NAALADL2: variants seen among roughly 807,000 people sequenced by gnomAD.
The protein encoded by NAALADL2 is inactive N-acetylated-alpha-linked acidic dipeptidase-like protein 2.
In NAALADL2, 76 loss-of-function variants were observed where a neutral mutation model predicts 87.2. That is an observed-to-expected ratio of 0.87 (90% confidence interval 0.72 to 1.05). NAALADL2 has a LOEUF of 1.05. Ranked by LOEUF, NAALADL2 falls within the 50% of genes least tolerant of loss-of-function variation. NAALADL2 has a pLI of 0.00. For synonymous variants in NAALADL2, 354 were observed against 331.0 expected (o/e 1.07, Z -0.75); for missense variants, 1,089 against 945.8 (o/e 1.15, Z -1.99).
At chr3:175,619,211 AAAAGAGAG>A (rs1725805517) in intron 10 of NAALADL2, among the ~76,000 whole-genome samples, 1 of 147,590 alleles carries the variant, frequency 6.8e-6, no homozygotes, top group Non-Finnish European at 1.5e-5. Flanking sequence ...CAGACAAAAA[AAAAGAGAG>A]AAAGAGAGAA....
intron 5 of NAALADL2, among the ~76,000 whole-genome samples, chr3:175,342,063 G>T (rs1450497360): frequency 6.6e-6 from 1 of 152,012 alleles, no homozygotes; most frequent in South Asian, 2.1e-4. Flanking sequence ...CACTGTCTAG[G>T]TTACTATAAT....
At chr3:174,561,675 G>T (rs1713638358) in intron 2 of NAALADL2, among the ~76,000 whole-genome samples, 1 of 152,122 alleles carries the variant, frequency 6.6e-6, no homozygotes, top group African/African-American at 2.4e-5. Flanking sequence ...GTGCAGAGAT[G>T]GGCCTAGCAG....
chr3:175,131,798 G>C (rs1436701171), intron 2 of NAALADL2, among the ~76,000 whole-genome samples: 1 of 144,500 alleles, frequency 6.9e-6, no homozygotes, highest in African/African-American at 2.6e-5. Flanking sequence ...CCTCCCGGAC[G>C]GGGGGCCTGG....
At chr3:174,650,504 C>A (rs2108753770) in intron 2 of NAALADL2, among the ~76,000 whole-genome samples, 1 of 152,186 alleles carries the variant, frequency 6.6e-6, no homozygotes, top group Non-Finnish European at 1.5e-5. Flanking sequence ...GTGTCAACGT[C>A]TATTTACAAC....
chr3:175,283,127 G>A (rs984260547), intron 4 of NAALADL2, among the ~76,000 whole-genome samples: 25 of 151,942 alleles, frequency 1.6e-4, no homozygotes, highest in African/African-American at 6.0e-4. Context: ...TCTAAAACTT[G>A]ATAACACTCT....
intron 2 of NAALADL2, among the ~76,000 whole-genome samples, chr3:174,646,492 A>G (rs1723794321): frequency 6.6e-6 from 1 of 152,176 alleles, no homozygotes. Flanking sequence ...ATATGTGAAC[A>G]TATTAACATA....
At chr3:175,348,591 G>A (rs1350297698) in intron 5 of NAALADL2, among the ~76,000 whole-genome samples, 3 of 152,094 alleles carry the variant, frequency 2.0e-5, no homozygotes, top group Non-Finnish European at 4.4e-5. Flanking sequence ...TCCTGCAGTT[G>A]TCAACACTCC....
chr3:175,351,499 A>G (rs1350862150), intron 5 of NAALADL2, among the ~76,000 whole-genome samples: 1 of 152,064 alleles, frequency 6.6e-6, no homozygotes, highest in East Asian at 1.9e-4. Flanking sequence ...CTACTACCAT[A>G]GATTCAAAAT....
At chr3:175,461,725 T>C (rs1397797373) in intron 6 of NAALADL2, among the ~76,000 whole-genome samples, 1 of 152,202 alleles carries the variant, frequency 6.6e-6, no homozygotes, top group Non-Finnish European at 1.5e-5. Flanking sequence ...TTCACCTATA[T>C]CTGTATCTAA....
At chr3:175,290,413 G>A (rs1755508016) in intron 4 of NAALADL2, among the ~76,000 whole-genome samples, 1 of 152,166 alleles carries the variant, frequency 6.6e-6, no homozygotes, top group African/African-American at 2.4e-5. Flanking sequence ...TAGGGAGAGA[G>A]AAAGTAGATC....
chr3:174,899,709 A>T (rs1045620891), intron 1 of NAALADL2, among the ~76,000 whole-genome samples: 7 of 151,854 alleles, frequency 4.6e-5, no homozygotes, highest in African/African-American at 1.7e-4. Flanking sequence ...TCTTTATAGC[A>T]ATGCAAGAAT....
At chr3:175,773,998 A>G (rs1393772841) in intron 13 of NAALADL2, among the ~76,000 whole-genome samples, 2 of 152,114 alleles carry the variant, frequency 1.3e-5, no homozygotes, top group African/African-American at 4.8e-5. Context: ...ACTGAAACAC[A>G]ATTGGAGCTT....
chr3:174,962,371 CATATAT>C (rs140830010), intron 1 of NAALADL2, among the ~76,000 whole-genome samples: 1,293 of 74,950 alleles, frequency 0.017, 42 homozygotes, highest in African/African-American at 0.064. Context: ...GTGACTATGA[CATATAT>C]ATATATATAT....
rs192619257 is a variant in NAALADL2, at chr3:175,289,666, G to C, written c.939+33136G>C. ...TCTGCTCTTAAAATGACAACATTAA[G>C]AGAGTAAAAAGAAGTTGGGATGTGA... is the stretch of plus-strand genomic sequence containing the variant. On this transcript the variant is annotated intron_variant, in intron 4 of 13. Transcript: ENST00000454872. 5.9e-5 allele frequency among the ~76,000 whole-genome samples: 9 copies of C among 152,034 alleles called. No homozygotes were observed. In the East Asian group the frequency reaches 1.5e-3, roughly 26 times the overall value.
chr3:174,743,477 A>G (rs1193663585), intron 3 of NAALADL2, among the ~76,000 whole-genome samples: 1 of 151,764 alleles, frequency 6.6e-6, no homozygotes, highest in African/African-American at 2.4e-5. Flanking sequence ...TAACTTGGCT[A>G]TACTTTTCTG....
rs1374700206 is a variant in NAALADL2, at chr3:175,467,122, A to G, written c.1471A>G (p.Ile491Val). Reference sequence around the variant, plus strand: ...GAGAGGGTGGAGACCAGACCGAACTATTGTTTTCTGTTCTTGGGGAGGAAC... The same window carrying G: ...GAGAGGGTGGAGACCAGACCGAACTGTTGTTTTCTGTTCTTGGGGAGGAAC... ...VKRGWRPDRT[I>V]VFCSWGGTAF... is the part of the protein sequence containing the mutation. Residue 491 changes from isoleucine to valine, a missense_variant, in exon 8 of 14, where the codon ATT becomes GTT. Physicochemically the swap from Ile to Val is conservative, Grantham distance 29. Transcript: ENST00000454872. 1.9e-6 allele frequency: 3 copies of G among 1,613,740 alleles called. No individual in the cohort carries two copies. The highest frequency in any genetic ancestry group is 1.7e-5 in the Admixed American group (1 of 59,984).
intron 2 of NAALADL2, among the ~76,000 whole-genome samples, chr3:175,116,449 A>G (rs1725184247): frequency 6.6e-6 from 1 of 150,754 alleles, no homozygotes; most frequent in Non-Finnish European, 1.5e-5. Context: ...ACAGACAAAC[A>G]GAGAGCCAAA....
intron 9 of NAALADL2, among the ~76,000 whole-genome samples, chr3:175,547,782 C>T (rs1713613835): frequency 6.8e-6 from 1 of 148,032 alleles, no homozygotes; most frequent in African/African-American, 2.5e-5. Context: ...TACATGTGAC[C>T]AACAATCATA....
At chr3:174,713,192 C>T (rs1161429352) in intron 2 of NAALADL2, among the ~76,000 whole-genome samples, 1 of 152,164 alleles carries the variant, frequency 6.6e-6, no homozygotes. Context: ...TTTTCTTAAT[C>T]CAGTCTATCA....
Sources: gnomAD v4.1 joint callset for allele counts (sites outside exome capture counted in the v4.1 genomes callset) on GRCh38, gnomAD v4.1.1 for gene constraint, MANE v1.5 for transcripts, NCBI Gene and HGNC (gene_info 2026-07-23, HGNC 2026-07-21) for gene names.